The following NOP14 variants were observed in gnomAD, a reference collection of about 807,000 sequenced individuals.
NOP14 encodes nucleolar protein 14.
In NOP14, 57 loss-of-function variants were observed where a neutral mutation model predicts 101.6. The ratio of observed to expected loss-of-function variants is 0.56; its 90% CI spans 0.45 to 0.70. NOP14 has a LOEUF of 0.70. NOP14 is among the 30% of genes least tolerant of loss of function. The pLI, the probability that NOP14 is intolerant of heterozygous loss-of-function variation, is 0.00. For synonymous variants in NOP14, 428 were observed against 424.0 expected, an observed-to-expected ratio of 1.01 and a Z score of -0.12; for missense variants, 1,134 against 1,075.5, an observed-to-expected ratio of 1.05 and a Z score of -0.76.
At chr4:2,958,482 C>G (rs1373644585) in intron 1 of NOP14, among the ~76,000 whole-genome samples, 1 of 152,202 alleles carries the variant, frequency 6.6e-6, no homozygotes, top group Non-Finnish European at 1.5e-5. Context: ...AAGGAACTGC[C>G]ATTACACTGG....
At chr4:2,955,626 C>T (rs541015039) in intron 3 of NOP14, among the ~76,000 whole-genome samples, 3 of 152,364 alleles carry the variant, frequency 2.0e-5, no homozygotes, top group African/African-American at 7.2e-5. Context: ...GAAGGCCACT[C>T]GCCCAACTCA....
rs1560299113 is a variant in NOP14, at chr4:2,946,245, A to ACTCTCACTCCAGATCACCCTCG, written c.1635+166_1635+167insCGAGGGTGATCTGGAGTGAGAG. Among the ~76,000 whole-genome samples, 208 of 63,336 alleles carry ACTCTCACTCCAGATCACCCTCG rather than the reference A, an allele frequency of 3.3e-3. 17 individuals carry two copies. Among genetic ancestry groups the ACTCTCACTCCAGATCACCCTCG allele is most frequent in the African/African-American group, 0.017 (196 of 11,538 alleles). The allele number at this position is 63,336 out of a possible 152,430, so 41.6% of individuals were successfully genotyped here. Reference sequence around the variant, plus strand: ...TGCACTCTCACTCCAGATCACCCTCACTGCCGTGCACTCTCACTCCAGATC... The same window carrying ACTCTCACTCCAGATCACCCTCG: ...TGCACTCTCACTCCAGATCACCCTCACTCTCACTCCAGATCACCCTCGCTGCCGTGCACTCTCACTCCAGATC... On this transcript the variant is annotated intron_variant, in intron 11 of 17. Transcript: ENST00000416614.
At chr4:2,941,856 G>T (rs987299796) in intron 14 of NOP14, 127 bp from the exon 15 acceptor site, 5 of 1,143,464 alleles carry the variant, frequency 4.4e-6, no homozygotes, top group Middle Eastern at 2.5e-4. Context: ...CACCTTGGCC[G>T]GCCAGGGTTG....
intron 15 of NOP14, chr4:2,940,450 T>C (rs1714074481): frequency 6.6e-6 from 1 of 152,152 alleles, no homozygotes; most frequent in Non-Finnish European, 1.5e-5. Context: ...TGAGACCTGC[T>C]GTGCCCCTCG....
At chr4:2,954,203 TAAAAC>T (rs1200636354) in intron 4 of NOP14, among the ~76,000 whole-genome samples, 4 of 152,020 alleles carry the variant, frequency 2.6e-5, no homozygotes, top group African/African-American at 9.7e-5. Flanking sequence ...CGTCTCAAAA[TAAAAC>T]AAAACATAAA....
rs1715084668 is a variant in NOP14 at position 2,952,358 on chromosome 4, C to G, written c.787G>C (p.Glu263Gln). 1 of 1,613,266 alleles carries G rather than the reference C, an allele frequency of 6.2e-7. No homozygotes were observed. Among genetic ancestry groups the G allele is most frequent in the East Asian group, 2.2e-5 (1 of 44,840 alleles). The change falls in exon 6 of 18, where the codon GAA (glutamate) becomes CAA (glutamine). Residue 263 changes from glutamate to glutamine, a missense_variant. Physicochemically the swap from Glu to Gln is conservative, Grantham distance 29. Coordinates refer to ENST00000416614, the MANE Select transcript of NOP14 (RefSeq NM_001291978.2). ...YDMMVRELGF[E>Q]MKAQPSNRMK... ...CTGTTAGAGGGCTGCGCCTTCATTTCAAAGCCAAGCTCGCGAACCATCATG... is the reference window on the plus strand; with the variant it reads ...CTGTTAGAGGGCTGCGCCTTCATTTGAAAGCCAAGCTCGCGAACCATCATG...
chr4:2,950,671 A>G, intron 7 of NOP14: 1 of 194,064 alleles, frequency 5.2e-6, no homozygotes, highest in South Asian at 1.1e-4. Context: ...AAAACGAGAA[A>G]AGGGTACCGA....
In NOP14 at chr4:2,938,253, G is replaced by A. The variant is rs900628451; in HGVS notation, c.*578C>T. ...TCTAAAAAAAATTACTTTTTTGGCT[G>A]GGTGCTGTGGCTCACACCTATAATT... On this transcript the variant is annotated 3_prime_UTR_variant, in exon 18 of 18. Transcript: ENST00000416614. 3 of 1,287,680 alleles carry A rather than the reference G, an allele frequency of 2.3e-6. No individual in the cohort carries two copies. In the East Asian group the frequency reaches 1.7e-4, roughly 72 times the overall value. The allele number at this position is 1,287,680 out of a possible 1,614,324, so 79.8% of individuals were successfully genotyped here.
At position 2,939,339 on chromosome 4, in the gene NOP14, C is replaced by T. The variant is rs145832505; in HGVS notation, c.2323G>A (p.Glu775Lys). The change falls in exon 17 of 18, where the codon GAG (glutamate) becomes AAG (lysine). Residue 775 changes from glutamate (E) to lysine (K), a missense_variant. By Grantham distance (56) the Glu-to-Lys change is moderately conservative. Coordinates refer to ENST00000416614, the MANE Select transcript of NOP14 (RefSeq NM_001291978.2). ...LFTPRLVKVL[E>K]FGRKQGSSKE... ...CTACTGCCTTGTTTTCTTCCAAACTCGAGGCTACAACCAGAAAGCCACTGT... is the reference window on the plus strand; with the variant it reads ...CTACTGCCTTGTTTTCTTCCAAACTTGAGGCTACAACCAGAAAGCCACTGT... 317 of 1,614,016 alleles carry T rather than the reference C, an allele frequency of 2.0e-4. No homozygotes were observed. The highest frequency in any genetic ancestry group is 4.3e-4 in the Admixed American group (26 of 60,008).
intron 1 of NOP14, among the ~76,000 whole-genome samples, chr4:2,960,789 C>T (rs1258803322): frequency 2.1e-5 from 2 of 94,930 alleles, no homozygotes; most frequent in Admixed American, 1.0e-4. Flanking sequence ...ATTATAATCA[C>T]ATTAATATTA....
At chr4:2,960,668 TATTAATATTATATTAATATTATAATCAC>T (rs1361279076) in intron 1 of NOP14, among the ~76,000 whole-genome samples, 12 of 129,110 alleles carry the variant, frequency 9.3e-5, no homozygotes, top group Middle Eastern at 3.9e-3. Context: ...TATATTATTA[TATTAATATTATATTAATATTATAATCAC>T]ATTAATATTA....
Position 2,938,789 on chromosome 4 carries a change from T to G in NOP14, c.*42A>C. 5.3e-6 allele frequency: 8 copies of G among 1,510,394 alleles called. No homozygotes were observed. Among genetic ancestry groups the G allele is most frequent in the Middle Eastern group, 1.8e-4 (1 of 5,462 alleles). The allele number at this position is 1,510,394 out of a possible 1,614,324, so 93.6% of individuals were successfully genotyped here. ...TCCCAGAGGGTTGGAATTGCAGATG[T>G]GAGGTAATGTCCAGTTCCTTGCCTT... On this transcript the variant is annotated 3_prime_UTR_variant, in exon 18 of 18. Coordinates refer to ENST00000416614, the MANE Select transcript of NOP14 (RefSeq NM_001291978.2).
chr4:2,939,379 T>A, intron 16 of NOP14, 36 bp from the exon 17 acceptor site: 5 of 1,613,114 alleles, frequency 3.1e-6, no homozygotes, highest in Non-Finnish European at 4.2e-6. Flanking sequence ...GAAGCAAGAG[T>A]CTGTCCCCAC....
At position 2,953,409 on chromosome 4, in the gene NOP14, G is replaced by A. The variant is rs919272403; in HGVS notation, c.747+102C>T. The A allele has an allele frequency of 1.0e-5, 13 of 1,294,452 alleles. No individual in the cohort carries two copies. In the African/African-American group the frequency reaches 1.8e-4, roughly 18 times the overall value. The allele number at this position is 1,294,452 out of a possible 1,614,324, so 80.2% of individuals were successfully genotyped here. ...ATGTTCAACAGAAACTTGCCCTAAA[G>A]GAGACAGGTAGAAGAGCCGTCCAGC... On this transcript the variant is annotated intron_variant, in intron 5 of 17. Transcript: ENST00000416614.
chr4:2,957,551 C>T (rs577660889), intron 2 of NOP14, 55 bp downstream of exon 2: 3 of 1,602,150 alleles, frequency 1.9e-6, no homozygotes, highest in Middle Eastern at 1.7e-4. Flanking sequence ...TCTCCTTGGC[C>T]TTGACTTCCC....
intron 3 of NOP14, among the ~76,000 whole-genome samples, chr4:2,955,709 A>C (rs111803589): frequency 8.5e-5 from 13 of 152,400 alleles, no homozygotes; most frequent in African/African-American, 3.1e-4. Context: ...CTAAGGGTCC[A>C]CGAGAAGTCT....
intron 15 of NOP14, 35 bp downstream of exon 15, chr4:2,941,547 C>G (rs931816148): frequency 1.2e-6 from 2 of 1,603,088 alleles, no homozygotes; most frequent in African/African-American, 1.3e-5. Context: ...ATGTCTGAGC[C>G]CAGGCAGAGC....
At chr4:2,941,087 TGA>T in intron 15 of NOP14, 1 of 156,166 alleles carries the variant, frequency 6.4e-6, no homozygotes, top group Non-Finnish European at 1.4e-5. Flanking sequence ...AGGGTCAGGG[TGA>T]AAGGCAGGGA....
intron 9 of NOP14, 37 bp downstream of exon 9, chr4:2,948,241 A>G (rs1714790754): frequency 6.4e-7 from 1 of 1,558,900 alleles, no homozygotes. Context: ...GGCTATGCTG[A>G]CACTCCCAGC....
Sources: allele counts gnomAD v4.1 joint callset (sites outside exome capture counted in the v4.1 genomes callset), GRCh38; gene constraint gnomAD v4.1.1; transcripts MANE v1.5; gene names NCBI Gene and HGNC (gene_info 2026-07-23, HGNC 2026-07-21).